The following RHBDL3 variants were observed in gnomAD, a reference collection of about 807,000 sequenced individuals.
The protein encoded by RHBDL3 is rhomboid like 3.
In RHBDL3, 28 loss-of-function variants were observed where a neutral mutation model predicts 48.2. The observed-to-expected ratio is 0.58, with a 90% CI of 0.43 to 0.80. The LOEUF is 0.80. RHBDL3 is among the 30% of genes least tolerant of loss of function. The probability of loss-of-function intolerance (pLI) is 0.00; values close to 1 mark genes in which losing one functional copy is unlikely to be tolerated. For missense variants in RHBDL3, 464 were observed against 542.7 expected, an observed-to-expected ratio of 0.85 and a Z score of 1.44; for synonymous variants, 208 against 232.3, an observed-to-expected ratio of 0.90 and a Z score of 0.95.
intron 7 of RHBDL3, among the ~76,000 whole-genome samples, chr17:32,309,354 A>T (rs1015934213): frequency 7.2e-5 from 11 of 152,174 alleles, no homozygotes; most frequent in East Asian, 3.9e-4. Context: ...GGAGTTTGCG[A>T]CCAGCCTGAC....
Position 32,265,929 on chromosome 17 carries a change from C to T in RHBDL3, c.-261C>T, listed in dbSNP as rs1281899811. Among the ~76,000 whole-genome samples, 11 of 146,518 alleles carry T rather than the reference C, an allele frequency of 7.5e-5. No individual in the cohort carries two copies. Among genetic ancestry groups the T allele is most frequent in the Non-Finnish European group, 1.5e-4 (10 of 65,720 alleles). ...CTCGCCTCGGAGCCGGGCGCGAGGGCCGGGGCGGAGGCGGAGGCCGGCGGG... is the reference window on the plus strand; with the variant it reads ...CTCGCCTCGGAGCCGGGCGCGAGGGTCGGGGCGGAGGCGGAGGCCGGCGGG... On this transcript the variant is annotated 5_prime_UTR_variant, in exon 1 of 9. Coordinates refer to ENST00000269051, the MANE Select transcript of RHBDL3 (RefSeq NM_138328.3).
chr17:32,310,113 C>T (rs1212065080), intron 7 of RHBDL3, among the ~76,000 whole-genome samples: 2 of 152,090 alleles, frequency 1.3e-5, no homozygotes, highest in Non-Finnish European at 2.9e-5. Context: ...TATTAATTGC[C>T]TCCTGCTGGC....
intron 4 of RHBDL3, among the ~76,000 whole-genome samples, chr17:32,289,442 A>T (rs2040276461): frequency 6.6e-6 from 1 of 152,150 alleles, no homozygotes; most frequent in East Asian, 1.9e-4. Flanking sequence ...CCCGCCTGAA[A>T]ATCAGAAATA....
At chr17:32,304,311 G>A (rs1178951402) in intron 6 of RHBDL3, among the ~76,000 whole-genome samples, 4 of 152,204 alleles carry the variant, frequency 2.6e-5, no homozygotes, top group South Asian at 2.1e-4. Context: ...AAGGGTGGAC[G>A]TAACCCTAAG....
At chr17:32,273,802 C>A (rs959083742) in intron 2 of RHBDL3, among the ~76,000 whole-genome samples, 3 of 152,188 alleles carry the variant, frequency 2.0e-5, no homozygotes, top group African/African-American at 7.2e-5. Context: ...GTGGTACAAT[C>A]TCAGCTCACT....
chr17:32,301,767 G>A (rs1327538323), intron 6 of RHBDL3, among the ~76,000 whole-genome samples: 1 of 151,526 alleles, frequency 6.6e-6, no homozygotes, highest in Non-Finnish European at 1.5e-5. Context: ...GTTGCAGTGA[G>A]CAGAAATCTC....
At chr17:32,315,675 GTC>G (rs2040953636) in intron 7 of RHBDL3, among the ~76,000 whole-genome samples, 1 of 151,872 alleles carries the variant, frequency 6.6e-6, no homozygotes, top group African/African-American at 2.4e-5. Context: ...GAGCTAAAAA[GTC>G]TCTCTCTGAA....
intron 7 of RHBDL3, among the ~76,000 whole-genome samples, chr17:32,315,453 T>C (rs1022564241): frequency 9.2e-5 from 14 of 152,208 alleles, no homozygotes; most frequent in Admixed American, 1.3e-4. Context: ...GTTTATCTGC[T>C]TTGGAGGTTC....
chr17:32,312,395 A>G (rs1009492690), intron 7 of RHBDL3, among the ~76,000 whole-genome samples: 8 of 152,088 alleles, frequency 5.3e-5, no homozygotes, highest in Non-Finnish European at 1.2e-4. Flanking sequence ...TGATCATGCC[A>G]CTTCACTCCA....
intron 8 of RHBDL3, among the ~76,000 whole-genome samples, chr17:32,316,995 C>G (rs2040991601): frequency 6.6e-6 from 1 of 151,942 alleles, no homozygotes; most frequent in Non-Finnish European, 1.5e-5. Flanking sequence ...TCTCAGCCCC[C>G]CAAGTAGCTA....
chr17:32,271,961 G>C lies in RHBDL3; in HGVS notation c.135+4036G>C, dbSNP rs147235314. ...GTGGGTTGCTGGGGTCAGAAACTTG[G>C]ATTTGGAGTCAGATAGACCTGGGTT... is the stretch of plus-strand genomic sequence containing the variant. On this transcript the variant is annotated intron_variant, in intron 2 of 8. Coordinates refer to ENST00000269051, the MANE Select transcript of RHBDL3 (RefSeq NM_138328.3). Among the ~76,000 whole-genome samples the C allele has an allele frequency of 2.1e-3, 316 of 152,306 alleles. 1 individual carries two copies. The highest frequency in any genetic ancestry group is 6.8e-3 in the African/African-American group (283 of 41,570).
In RHBDL3 at chr17:32,294,242, A is replaced by G. The variant is rs565759935; in HGVS notation, c.520-52A>G. ...TCCCAGTGCTAGTCAGCACAACAGG[A>G]AGTTTCCTGGGCAGTGTGCACCTAG... On this transcript the variant is annotated intron_variant, in intron 4 of 8. Transcript: ENST00000269051. 38 of 1,548,458 alleles carry G rather than the reference A, an allele frequency of 2.5e-5. No individual in the cohort carries two copies. In the African/African-American group the frequency reaches 3.0e-4, roughly 12 times the overall value.
At chr17:32,285,236 G>A (rs554092658) in intron 3 of RHBDL3, among the ~76,000 whole-genome samples, 1 of 152,242 alleles carries the variant, frequency 6.6e-6, no homozygotes, top group South Asian at 2.1e-4. Flanking sequence ...CACAAGGCCT[G>A]GTATTTTCTC....
chr17:32,296,191 G>A (rs1287303584), intron 5 of RHBDL3, among the ~76,000 whole-genome samples: 3 of 146,046 alleles, frequency 2.1e-5, no homozygotes, highest in East Asian at 4.2e-4. Flanking sequence ...TCACACCACC[G>A]CATGGATGGT....
intron 4 of RHBDL3, among the ~76,000 whole-genome samples, chr17:32,289,845 T>C (rs2040285579): frequency 6.6e-6 from 1 of 152,222 alleles, no homozygotes; most frequent in Admixed American, 6.5e-5. Context: ...AATTACCGCC[T>C]CTGCATATGT....
At chr17:32,305,001 G>C (rs1299160399) in intron 6 of RHBDL3, among the ~76,000 whole-genome samples, 1 of 152,138 alleles carries the variant, frequency 6.6e-6, no homozygotes, top group East Asian at 1.9e-4. Flanking sequence ...CACGACTGTA[G>C]TTCCAGCTAC....
At chr17:32,287,986 G>A (rs1219724371) in intron 3 of RHBDL3, among the ~76,000 whole-genome samples, 4 of 152,186 alleles carry the variant, frequency 2.6e-5, no homozygotes, top group Admixed American at 2.0e-4. Flanking sequence ...GCTTCAGGCC[G>A]CTGAGGATAG....
chr17:32,283,618 T>C lies in RHBDL3; in HGVS notation c.136-1041T>C, dbSNP rs117630216. Among the ~76,000 whole-genome samples, 217 of 152,128 alleles carry C rather than the reference T, an allele frequency of 1.4e-3. 5 individuals carry two copies. In the East Asian group the frequency reaches 0.035, roughly 24 times the overall value. ...GATTACAGGCTTGAGCCACTGCGCCTGGCCCGATCCTGCCTTTTCTAACTG... is the reference window on the plus strand; with the variant it reads ...GATTACAGGCTTGAGCCACTGCGCCCGGCCCGATCCTGCCTTTTCTAACTG... On this transcript the variant is annotated intron_variant, in intron 2 of 8. Transcript: ENST00000269051.
intron 2 of RHBDL3, among the ~76,000 whole-genome samples, chr17:32,278,186 T>A (rs577183503): frequency 1.3e-5 from 2 of 152,172 alleles, no homozygotes; most frequent in East Asian, 3.9e-4. Flanking sequence ...TAGTCCCAGC[T>A]ACTCGGGAGG....
Sources: allele counts gnomAD v4.1 joint callset (sites outside exome capture counted in the v4.1 genomes callset), GRCh38; gene constraint gnomAD v4.1.1; transcripts MANE v1.5; gene names NCBI Gene and HGNC (gene_info 2026-07-23, HGNC 2026-07-21).